TRPM6: variants seen among roughly 807,000 people sequenced by gnomAD.
TRPM6 encodes the protein channel kinase 2.
In TRPM6, 111 loss-of-function variants were observed where a neutral mutation model predicts 247.6. The ratio of observed to expected loss-of-function variants is 0.45; its 90% CI spans 0.38 to 0.52. The LOEUF (loss-of-function observed/expected upper bound fraction) is 0.52, where lower values mean the gene tolerates loss of function less well. Among genes scored for constraint, TRPM6 ranks in the 20% least tolerant of loss-of-function variants. The probability of loss-of-function intolerance (pLI) is 0.00; values close to 1 mark genes in which losing one functional copy is unlikely to be tolerated. For synonymous variants in TRPM6, 892 were observed against 853.8 expected (o/e 1.04, Z -0.78); for missense variants, 2,126 against 2,421.5 (o/e 0.88, Z 2.56).
rs1338900129 is a variant in TRPM6 at position 74,803,837 on chromosome 9, A to G, written c.1688T>C (p.Leu563Pro). 6.2e-7 allele frequency: 1 copy of G among 1,613,904 alleles called. No homozygotes were observed. Residue 563 changes from leucine to proline, a missense_variant, in exon 15 of 39, where the codon CTG becomes CCG. Leu to Pro is a moderately conservative substitution (Grantham distance 98). Transcript: ENST00000360774. ...GNRNESAEST[L>P]HSQFIRTAQP... ...TGCAGTTCTAATGAACTGGGAGTGC[A>G]GCGTACTTTCTGCAGACTCATTTCT...
intron 30 of TRPM6, 84 bp downstream of exon 30, chr9:74,750,580 T>C (rs1826210476): frequency 4.3e-6 from 5 of 1,172,042 alleles, no homozygotes; most frequent in Non-Finnish European, 2.6e-6. Context: ...TCTCCCTTTC[T>C]GACTAAATTA....
chr9:74,759,273 T>C (rs1299602164), intron 27 of TRPM6, among the ~76,000 whole-genome samples: 1 of 151,054 alleles, frequency 6.6e-6, no homozygotes, highest in African/African-American at 2.4e-5. Flanking sequence ...TAAATTTATA[T>C]GGAAATGCAA....
Position 74,782,393 on chromosome 9 carries a change from T to A in TRPM6, c.3178A>T (p.Ile1060Phe), listed in dbSNP as rs750208795. Residue 1060 changes from isoleucine to phenylalanine, a missense_variant, in exon 23 of 39, where the codon ATC becomes TTC. Coordinates refer to ENST00000360774, the MANE Select transcript of TRPM6 (RefSeq NM_017662.5). ...QAVYLFVQYIIMVNLLIAFFN... is the reference protein window; with the variant it reads ...QAVYLFVQYIFMVNLLIAFFN... ...AAAGCAATCAACAGGTTCACCATGATGATATATTGCACGAAGAGGTAGACA... is the reference window on the plus strand; with the variant it reads ...AAAGCAATCAACAGGTTCACCATGAAGATATATTGCACGAAGAGGTAGACA... 2 of 1,613,958 alleles carry A rather than the reference T, an allele frequency of 1.2e-6. No homozygotes were observed. Among genetic ancestry groups the A allele is most frequent in the South Asian group, 1.1e-5 (1 of 91,054 alleles).
intron 1 of TRPM6, among the ~76,000 whole-genome samples, chr9:74,864,869 C>G (rs1484680536): frequency 6.6e-6 from 1 of 151,940 alleles, no homozygotes; most frequent in Non-Finnish European, 1.5e-5. Context: ...GTCAGGAGTT[C>G]GAGACCAGCC....
intron 15 of TRPM6, among the ~76,000 whole-genome samples, chr9:74,802,989 A>G (rs959734458): frequency 2.0e-5 from 3 of 152,244 alleles, no homozygotes; most frequent in Middle Eastern, 3.4e-3. Flanking sequence ...TCCAAGTTCA[A>G]CCAAGCACTC....
intron 1 of TRPM6, chr9:74,887,360 C>T (rs1831569372): frequency 7.2e-7 from 1 of 1,393,068 alleles, no homozygotes; most frequent in African/African-American, 1.4e-5. Context: ...CGACCCCCGG[C>T]TAGTCAGCGT....
chr9:74,782,687 T>G lies in TRPM6; in HGVS notation c.3086A>C (p.Glu1029Ala). Reference sequence around the variant, plus strand: ...TAAAATCCCATACACACCATCTATTTCTCCAGCATAGACTTCTCCGTATAT... The same window carrying G: ...TAAAATCCCATACACACCATCTATTGCTCCAGCATAGACTTCTCCGTATAT... ...WMIYGEVYAGEIDVCSSQPSC... is the reference protein window; with the variant it reads ...WMIYGEVYAGAIDVCSSQPSC... The change falls in exon 22 of 39, where the codon GAA becomes GCA. Residue 1029 changes from glutamate to alanine, a missense_variant. Transcript: ENST00000360774. 1 of 1,614,182 alleles carries G rather than the reference T, an allele frequency of 6.2e-7. No homozygotes were observed. Among genetic ancestry groups the G allele is most frequent in the Non-Finnish European group, 8.5e-7 (1 of 1,180,022 alleles).
At chr9:74,856,145 G>A (rs6560414) in intron 2 of TRPM6, among the ~76,000 whole-genome samples, 88,820 of 151,926 alleles carry the variant, frequency 0.58, 26,237 homozygotes, top group East Asian at 0.78. Context: ...GTTGTCATCA[G>A]TTATATTTTT....
intron 33 of TRPM6, among the ~76,000 whole-genome samples, chr9:74,742,141 T>A (rs1173139699): frequency 6.6e-6 from 1 of 152,216 alleles, no homozygotes; most frequent in East Asian, 1.9e-4. Context: ...GAGCAATTAG[T>A]GTACACAAAA....
chr9:74,726,405 G>A (rs1452897230), intron 38 of TRPM6, among the ~76,000 whole-genome samples: 1 of 152,182 alleles, frequency 6.6e-6, no homozygotes, highest in Non-Finnish European at 1.5e-5. Flanking sequence ...AGCTATTAGG[G>A]AGGCTGAGGC....
At chr9:74,803,932 T>C in intron 14 of TRPM6, 46 bp from the exon 15 acceptor site, 2 of 1,171,430 alleles carry the variant, frequency 1.7e-6, no homozygotes, top group Non-Finnish European at 2.6e-6. Flanking sequence ...GGCACGTTAT[T>C]ATTTTATTTT....
intron 1 of TRPM6, among the ~76,000 whole-genome samples, chr9:74,885,704 T>C (rs931107972): frequency 3.3e-5 from 5 of 152,206 alleles, no homozygotes; most frequent in South Asian, 2.1e-4. Context: ...AGTTCCAGCA[T>C]GGTATTGATT....
At chr9:74,854,300 A>C (rs151126189) in intron 3 of TRPM6, among the ~76,000 whole-genome samples, 36 of 152,304 alleles carry the variant, frequency 2.4e-4, no homozygotes, top group African/African-American at 7.5e-4. Context: ...TGTGGGGTTG[A>C]GATTTTGGAG....
intron 3 of TRPM6, 32 bp downstream of exon 3, chr9:74,855,495 G>T (rs200581611): frequency 6.5e-7 from 1 of 1,547,550 alleles, no homozygotes; most frequent in Non-Finnish European, 8.9e-7. Context: ...GTGCCTAAAA[G>T]CTAAAAGGAA....
chr9:74,863,906 A>G (rs578033689), intron 1 of TRPM6, among the ~76,000 whole-genome samples: 2 of 151,830 alleles, frequency 1.3e-5, no homozygotes, highest in South Asian at 4.2e-4. Flanking sequence ...TTTTAAAAAA[A>G]CATCCACAAG....
intron 32 of TRPM6, among the ~76,000 whole-genome samples, chr9:74,743,674 G>A (rs527470420): frequency 6.6e-6 from 1 of 152,226 alleles, no homozygotes; most frequent in African/African-American, 2.4e-5. Context: ...CACTTTGTGG[G>A]GTTGGCCTTC....
chr9:74,749,181 T>A (rs938813362), intron 30 of TRPM6, among the ~76,000 whole-genome samples: 1 of 152,166 alleles, frequency 6.6e-6, no homozygotes, highest in African/African-American at 2.4e-5. Context: ...TGCACAACGA[T>A]GAAATCACCT....
At chr9:74,817,116 A>G (rs1194027886) in intron 9 of TRPM6, 152 bp from the exon 10 acceptor site, 1 of 772,614 alleles carries the variant, frequency 1.3e-6, no homozygotes, top group Non-Finnish European at 2.2e-6. Flanking sequence ...GAAAACTTTT[A>G]AATAGGGTAA....
chr9:74,730,289 C>G (rs970074190), intron 37 of TRPM6, among the ~76,000 whole-genome samples: 3 of 152,092 alleles, frequency 2.0e-5, no homozygotes, highest in African/African-American at 7.2e-5. Flanking sequence ...AAGCAGCAAG[C>G]TAAAAAACTG....
Sources: allele counts gnomAD v4.1 joint callset (sites outside exome capture counted in the v4.1 genomes callset), GRCh38; gene constraint gnomAD v4.1.1; transcripts MANE v1.5; gene names NCBI Gene and HGNC (gene_info 2026-07-23, HGNC 2026-07-21).